The following ENSA variants were observed in gnomAD, a reference collection of about 807,000 sequenced individuals.
ENSA encodes the protein endosulfine alpha.
In ENSA, 7 loss-of-function variants were observed where a neutral mutation model predicts 16.8. That is an observed-to-expected ratio of 0.42 (90% CI 0.24 to 0.78). The LOEUF is 0.78. Ranked by LOEUF, ENSA falls within the 30% of genes least tolerant of loss-of-function variation. ENSA has a pLI of 0.29. For missense variants in ENSA, 87 were observed against 142.3 expected (o/e 0.61, Z 1.98); for synonymous variants, 58 against 53.4 (o/e 1.09, Z -0.37).
rs779749276 is a variant in ENSA at position 150,629,426 on chromosome 1, G to T, written c.45C>A (p.Gly15=). The T allele has an allele frequency of 6.2e-7, 1 of 1,613,706 alleles. No homozygotes were observed. Among genetic ancestry groups the T allele is most frequent in the Admixed American group, 1.7e-5 (1 of 59,970 alleles). The change falls in exon 1 of 4, where the codon GGC becomes GGA. Residue 15 remains glycine (G), a synonymous_variant. Coordinates refer to ENST00000369014, the MANE Select transcript of ENSA (RefSeq NM_004436.4). Reference sequence around the variant, plus strand: ...CCTTCCACTTCACCTGCTTCTCCTCGCCGGTCTCCTCCGCAGGGTTCTCTT... The same window carrying T: ...CCTTCCACTTCACCTGCTTCTCCTCTCCGGTCTCCTCCGCAGGGTTCTCTT... The part of the protein sequence containing the change: ...QEEENPAEET[G]EEKQDTQEKE...
At chr1:150,622,936 CCA>C in intron 3 of ENSA, 77 bp from the exon 4 acceptor site, 12 of 1,486,602 alleles carry the variant, frequency 8.1e-6, no homozygotes, top group Non-Finnish European at 1.1e-5. Flanking sequence ...GAACTCCAAC[CCA>C]GTCTCTACCC....
Position 150,627,469 on chromosome 1 carries a change from C to A in ENSA, c.181G>T (p.Gly61Trp), listed in dbSNP as rs770411929. 6.2e-7 allele frequency: 1 copy of A among 1,614,230 alleles called. No homozygotes were observed. Among genetic ancestry groups the A allele is most frequent in the Non-Finnish European group, 8.5e-7 (1 of 1,180,040 alleles). Reference protein sequence around the residue: ...SDFLMKRLQKGQKYFDSGDYN... With the variant: ...SDFLMKRLQKWQKYFDSGDYN... The stretch of plus-strand genomic sequence containing the variant: ...GGGTAAGAGACTATGCCCCATACCC[C>A]TTTCTGGAGTCTCTTCATGAGGAAG... Residue 61 changes from glycine (G) to tryptophan (W), a missense_variant and splice_region_variant, in exon 2 of 4, where the codon GGG (glycine) becomes TGG (tryptophan). Gly to Trp is a radical substitution (Grantham distance 184). Transcript: ENST00000369014.
intron 3 of ENSA, chr1:150,623,139 AACTGG>A (rs1649073777): frequency 2.6e-5 from 31 of 1,191,148 alleles, no homozygotes; most frequent in Non-Finnish European, 3.3e-5. Flanking sequence ...AGATCAAAAT[AACTGG>A]AGGTTTCCAG....
At chr1:150,627,354 C>T in intron 2 of ENSA, 113 bp downstream of exon 2, 1 of 1,610,580 alleles carries the variant, frequency 6.2e-7, no homozygotes. Context: ...TTCGCCTCTA[C>T]TTCTGTTCAA....
chr1:150,626,956 T>C (rs994586534), intron 2 of ENSA: 1 of 756,862 alleles, frequency 1.3e-6, no homozygotes, highest in Non-Finnish European at 1.7e-6. Context: ...TCTCTCTTGG[T>C]AAGGAGGACC....
chr1:150,625,361 TCA>T (rs1358448244), intron 3 of ENSA: 18 of 1,118,420 alleles, frequency 1.6e-5, no homozygotes, highest in Non-Finnish European at 1.5e-5. Flanking sequence ...CTCCAGTTTC[TCA>T]CACAAAAAAA....
chr1:150,622,973 C>G (rs1304903242), intron 3 of ENSA, 114 bp from the exon 4 acceptor site: 2 of 1,334,244 alleles, frequency 1.5e-6, no homozygotes, highest in African/African-American at 1.5e-5. Flanking sequence ...ATTTAACAAC[C>G]ATTAGGCTAC....
intron 2 of ENSA, among the ~76,000 whole-genome samples, chr1:150,626,725 T>A (rs1649351264): frequency 6.6e-6 from 1 of 152,060 alleles, no homozygotes; most frequent in African/African-American, 2.4e-5. Context: ...CCCGGCTAAG[T>A]GTTTGTATTA....
chr1:150,625,160 C>T, intron 3 of ENSA: 1 of 985,772 alleles, frequency 1.0e-6, no homozygotes, highest in South Asian at 4.7e-5. Flanking sequence ...TCTAAACCTG[C>T]CATAATGGAA....
At chr1:150,629,288 T>C in intron 1 of ENSA, 126 bp downstream of exon 1, 1 of 1,518,060 alleles carries the variant, frequency 6.6e-7, no homozygotes, top group Non-Finnish European at 8.9e-7. Context: ...TCACCCAGCG[T>C]GACGCAAAAA....
intron 2 of ENSA, 98 bp downstream of exon 2, chr1:150,627,369 A>T (rs1411371417): frequency 1.2e-6 from 2 of 1,611,698 alleles, no homozygotes; most frequent in Non-Finnish European, 1.7e-6. Context: ...GTTCAACAAC[A>T]AAACCTCCAG....
At chr1:150,627,885 A>AT (rs1161565617) in intron 1 of ENSA, among the ~76,000 whole-genome samples, 3 of 152,206 alleles carry the variant, frequency 2.0e-5, no homozygotes, top group African/African-American at 7.2e-5. Context: ...AGAGTGGGCC[A>AT]TATCACTCAG....
chr1:150,626,965 C>A lies in ENSA; in HGVS notation c.183+502G>T. 4.7e-6 allele frequency: 4 copies of A among 843,206 alleles called. No homozygotes were observed. In the South Asian group the frequency reaches 1.6e-4, roughly 33 times the overall value. The allele number at this position is 843,206 out of a possible 1,614,324, so 52.2% of individuals were successfully genotyped here. On this transcript the variant is annotated intron_variant, in intron 2 of 3. Coordinates refer to ENST00000369014, the MANE Select transcript of ENSA (RefSeq NM_004436.4). ...GTAGACTCTCTCTTGGTAAGGAGGA[C>A]CACTCTGAACAAGAAAAATACATTT...
intron 2 of ENSA, among the ~76,000 whole-genome samples, chr1:150,626,790 C>A (rs587681347): frequency 6.6e-6 from 1 of 152,152 alleles, no homozygotes; most frequent in African/African-American, 2.4e-5. Context: ...GTGCTCCGCC[C>A]GCCTCGGCCT....
chr1:150,626,245 C>G (rs1374988616), intron 2 of ENSA, among the ~76,000 whole-genome samples: 1 of 152,224 alleles, frequency 6.6e-6, no homozygotes, highest in Non-Finnish European at 1.5e-5. Context: ...AGATCAACCA[C>G]AAGCCAACAA....
chr1:150,624,961 C>T lies in ENSA; in HGVS notation c.350+681G>A. On this transcript the variant is annotated intron_variant, in intron 3 of 3. Coordinates refer to ENST00000369014, the MANE Select transcript of ENSA (RefSeq NM_004436.4). ...GACTCCTAAACCAGTGCTCGTCCCA[C>T]TATCCCATGATACTTTCAAAAGCAA... 5.1e-6 allele frequency: 5 copies of T among 985,110 alleles called. No homozygotes were observed. The South Asian group carries it at 2.3e-4, about 46-fold the overall frequency. The allele number at this position is 985,110 out of a possible 1,614,324, so 61.0% of individuals were successfully genotyped here.
intron 1 of ENSA, chr1:150,628,854 T>C (rs1473554907): frequency 3.4e-6 from 2 of 591,126 alleles, no homozygotes; most frequent in Non-Finnish European, 6.0e-6. Context: ...CTCTTCAATA[T>C]TGCTGGGTCC....
At chr1:150,625,933 G>A in intron 2 of ENSA, 125 bp from the exon 3 acceptor site, 1 of 1,411,462 alleles carries the variant, frequency 7.1e-7, no homozygotes, top group East Asian at 2.5e-5. Context: ...AGTCTTCCTT[G>A]ATTAACCTCA....
chr1:150,624,868 T>C, intron 3 of ENSA: 2 of 970,500 alleles, frequency 2.1e-6, no homozygotes, highest in Non-Finnish European at 2.5e-6. Flanking sequence ...CCAGAGAGGC[T>C]AAATGACTTA....
Sources: gnomAD v4.1 joint callset for allele counts (sites outside exome capture counted in the v4.1 genomes callset) on GRCh38, gnomAD v4.1.1 for gene constraint, MANE v1.5 for transcripts, NCBI Gene and HGNC (gene_info 2026-07-23, HGNC 2026-07-21) for gene names.